The following GALNT13 variants were observed in gnomAD, a reference collection of about 807,000 sequenced individuals.
The protein encoded by GALNT13 is polypeptide N-acetylgalactosaminyltransferase 13, also known as UDP-GalNAc:polypeptide N-acetylgalactosaminyltransferase 13.
A neutral mutation model predicts 64.2 loss-of-function variants in GALNT13; 28 were observed. The observed-to-expected ratio is 0.44, with a 90% CI of 0.32 to 0.60. GALNT13 has a LOEUF of 0.60. GALNT13 is among the 20% of genes least tolerant of loss of function. The pLI is 0.05. For missense variants in GALNT13, 577 were observed against 669.8 expected (o/e 0.86, Z 1.53); for synonymous variants, 214 against 224.6 (o/e 0.95, Z 0.42).
chr2:153,787,119 A>G, the GALNT13 span, among the ~76,000 whole-genome samples: 1 of 152,260 alleles, frequency 6.6e-6, no homozygotes, highest in African/African-American at 2.4e-5. Flanking sequence ...CTGAGATTAT[A>G]CCAGAGATAT....
At chr2:153,551,391 T>TGCC in the GALNT13 span, among the ~76,000 whole-genome samples, 2 of 152,304 alleles carry the variant, frequency 1.3e-5, no homozygotes, top group East Asian at 3.9e-4. Context: ...TCACTCTGGT[T>TGCC]GCCGTGTGGT....
intron 8 of GALNT13, among the ~76,000 whole-genome samples, chr2:154,271,391 G>A (rs971931743): frequency 3.9e-5 from 6 of 151,908 alleles, no homozygotes; most frequent in Non-Finnish European, 8.8e-5. Flanking sequence ...AGCTTTGTTA[G>A]GCAATTTCAT....
chr2:153,908,058 A>G (rs558440514), intron 2 of GALNT13, among the ~76,000 whole-genome samples: 11 of 152,050 alleles, frequency 7.2e-5, no homozygotes, highest in African/African-American at 2.4e-4. Flanking sequence ...TTTCGCCACA[A>G]CCTTGTCTGT....
intron 4 of GALNT13, among the ~76,000 whole-genome samples, chr2:154,238,675 A>AGTC (rs941496694): frequency 2.6e-5 from 4 of 151,996 alleles, no homozygotes; most frequent in Non-Finnish European, 5.9e-5. Context: ...GTACAGAAGG[A>AGTC]GTCTTCTTTG....
At chr2:153,117,635 A>G in the GALNT13 span, among the ~76,000 whole-genome samples, 1 of 152,184 alleles carries the variant, frequency 6.6e-6, no homozygotes, top group Non-Finnish European at 1.5e-5. Flanking sequence ...AATAGAGTAT[A>G]ACTTCTAGGT....
chr2:154,384,094 G>C (rs977605531), intron 9 of GALNT13, among the ~76,000 whole-genome samples: 11 of 151,858 alleles, frequency 7.2e-5, no homozygotes, highest in Non-Finnish European at 1.6e-4. Context: ...AAAAATTTGT[G>C]ATTAAAACTT....
chr2:153,966,623 C>A (rs1215888068), intron 3 of GALNT13, among the ~76,000 whole-genome samples: 2 of 152,074 alleles, frequency 1.3e-5, no homozygotes, highest in African/African-American at 2.4e-5. Context: ...CCGCCTCGGC[C>A]TTCCAAAGCG....
the GALNT13 span, among the ~76,000 whole-genome samples, chr2:153,092,814 A>T: frequency 5.8e-3 from 889 of 152,260 alleles, 7 homozygotes; most frequent in Non-Finnish European, 7.1e-3. Flanking sequence ...TCCAATTTTA[A>T]TTTCCTCTCT....
intron 12 of GALNT13, chr2:154,446,449 A>T: frequency 1.8e-6 from 2 of 1,089,120 alleles, no homozygotes; most frequent in Non-Finnish European, 2.5e-6. Context: ...GGATACAATT[A>T]TTGTGACATG....
chr2:154,153,263 A>G (rs1684171805), intron 4 of GALNT13, among the ~76,000 whole-genome samples: 1 of 151,710 alleles, frequency 6.6e-6, no homozygotes, highest in South Asian at 2.1e-4. Context: ...ATGAACCGCG[A>G]ATGCTGCTGT....
intron 3 of GALNT13, among the ~76,000 whole-genome samples, chr2:154,009,950 G>A (rs767989597): frequency 6.6e-6 from 1 of 152,152 alleles, no homozygotes; most frequent in South Asian, 2.1e-4. Context: ...TCTTGATTTG[G>A]CACTCAGTTT....
the GALNT13 span, among the ~76,000 whole-genome samples, chr2:153,376,672 G>A: frequency 4.5e-4 from 69 of 152,198 alleles, 1 homozygote; most frequent in African/African-American, 1.6e-3. Flanking sequence ...GTGAGGGAAG[G>A]GATTTGTGAG....
intron 3 of GALNT13, among the ~76,000 whole-genome samples, chr2:154,054,563 A>G (rs1699805646): frequency 6.6e-6 from 1 of 152,016 alleles, no homozygotes; most frequent in Non-Finnish European, 1.5e-5. Flanking sequence ...TTTTAAAAAA[A>G]TTAAGGTATA....
At chr2:153,994,737 A>G (rs977232996) in intron 3 of GALNT13, among the ~76,000 whole-genome samples, 2 of 151,694 alleles carry the variant, frequency 1.3e-5, no homozygotes, top group South Asian at 2.1e-4. Context: ...GTCTGTTCAT[A>G]TCCTTCGCCC....
chr2:153,358,628 A>G, the GALNT13 span, among the ~76,000 whole-genome samples: 1 of 152,168 alleles, frequency 6.6e-6, no homozygotes, highest in Non-Finnish European at 1.5e-5. Flanking sequence ...AACTATCTCT[A>G]ATTAGGCCAG....
chr2:154,156,729 C>G (rs1684445101), intron 4 of GALNT13, among the ~76,000 whole-genome samples: 1 of 151,962 alleles, frequency 6.6e-6, no homozygotes, highest in Non-Finnish European at 1.5e-5. Context: ...GGGGAAAAGA[C>G]AAGATAGAGA....
the GALNT13 span, among the ~76,000 whole-genome samples, chr2:153,571,114 G>A: frequency 6.6e-6 from 1 of 151,634 alleles, no homozygotes; most frequent in East Asian, 1.9e-4. Flanking sequence ...CCATTTTTTG[G>A]TGTCCCCTTC....
the GALNT13 span, among the ~76,000 whole-genome samples, chr2:153,741,063 ATAAATGAATGC>A: frequency 6.6e-6 from 1 of 152,186 alleles, no homozygotes; most frequent in Non-Finnish European, 1.5e-5. Context: ...ATGTTGATTA[ATAAATGAATGC>A]AAGTATCCTT....
At position 154,433,565 on chromosome 2, in the gene GALNT13, A is replaced by G. The variant is rs1215880057; in HGVS notation, c.1396-5027A>G. ...AGTGGGTAGGAACAGTGAGGAATAAAAAAAAAGCTTAAGTCGTAAAACAGA... is the reference window on the plus strand; with the variant it reads ...AGTGGGTAGGAACAGTGAGGAATAAGAAAAAAGCTTAAGTCGTAAAACAGA... On this transcript the variant is annotated intron_variant, in intron 11 of 12. Coordinates refer to ENST00000392825, the MANE Select transcript of GALNT13 (RefSeq NM_052917.4). Among the ~76,000 whole-genome samples, 3 of 152,190 alleles carry G rather than the reference A, an allele frequency of 2.0e-5. No homozygotes were observed. The East Asian group carries it at 5.8e-4, about 29-fold the overall frequency.
Sources: gnomAD v4.1 joint callset for allele counts (sites outside exome capture counted in the v4.1 genomes callset) on GRCh38, gnomAD v4.1.1 for gene constraint, MANE v1.5 for transcripts, NCBI Gene and HGNC (gene_info 2026-07-23, HGNC 2026-07-21) for gene names.